Variants in KCNIP4 observed in about 807,000 individuals in gnomAD.
KCNIP4 encodes the protein potassium voltage-gated channel interacting protein 4, also known as Kv channel-interacting protein 4.
In KCNIP4, 12 loss-of-function variants were observed where a neutral mutation model predicts 34.0. The observed-to-expected ratio is 0.35, with a 90% CI of 0.23 to 0.57. KCNIP4 has a LOEUF of 0.57. KCNIP4 is among the 20% of genes least tolerant of loss of function. The pLI, the probability that KCNIP4 is intolerant of heterozygous loss-of-function variation, is 0.83. For missense variants in KCNIP4, 238 were observed against 311.7 expected, an observed-to-expected ratio of 0.76 and a Z score of 1.78; for synonymous variants, 124 against 102.2, an observed-to-expected ratio of 1.21 and a Z score of -1.29.
At position 21,455,808 on chromosome 4, in the gene KCNIP4, C is replaced by CTTATATATAT. The variant is rs1491104155; in HGVS notation, c.61+492762_61+492763insATATATATAA. ...TTAATGTGATAGTCTTACAGATATT[C>CTTATATATAT]ATATATATATATATATATATATATA... On this transcript the variant is annotated intron_variant, in intron 1 of 8. Coordinates refer to ENST00000382152, the MANE Select transcript of KCNIP4 (RefSeq NM_025221.6). Among the ~76,000 whole-genome samples, 2 of 71,928 alleles carry CTTATATATAT rather than the reference C, an allele frequency of 2.8e-5. 1 individual carries two copies. The highest frequency in any genetic ancestry group is 4.8e-5 in the Non-Finnish European group (2 of 42,016). 47.2% of individuals were successfully genotyped at this position (71,928 alleles called of 152,430 possible).
intron 3 of KCNIP4, among the ~76,000 whole-genome samples, chr4:20,777,655 A>G (rs2149387457): frequency 6.6e-6 from 1 of 152,274 alleles, no homozygotes; most frequent in African/African-American, 2.4e-5. Flanking sequence ...GTTGTCTATA[A>G]GCCACCCAGT....
chr4:20,766,226 T>C (rs760113337), intron 3 of KCNIP4, among the ~76,000 whole-genome samples: 1 of 152,054 alleles, frequency 6.6e-6, no homozygotes, highest in Non-Finnish European at 1.5e-5. Context: ...AATTAGAAAA[T>C]AGCAGATCTA....
chr4:21,738,112 TAA>T (rs1716126038), intron 1 of KCNIP4, among the ~76,000 whole-genome samples: 2 of 136,336 alleles, frequency 1.5e-5, no homozygotes, highest in Non-Finnish European at 3.1e-5. Flanking sequence ...AATAAATAAA[TAA>T]ATAAATAAAT....
chr4:21,423,451 T>C (rs1000080698), intron 1 of KCNIP4, among the ~76,000 whole-genome samples: 1 of 152,244 alleles, frequency 6.6e-6, no homozygotes, highest in Non-Finnish European at 1.5e-5. Context: ...CTCATTTTTT[T>C]CCATATGTAA....
At chr4:21,946,200 C>T in intron 1 of KCNIP4, among the ~76,000 whole-genome samples, 1 of 151,800 alleles carries the variant, frequency 6.6e-6, no homozygotes, top group Non-Finnish European at 1.5e-5. Flanking sequence ...ATCTCTAAGT[C>T]AGGTCATAAA....
chr4:21,450,670 C>T (rs975400527), intron 1 of KCNIP4, among the ~76,000 whole-genome samples: 16 of 151,988 alleles, frequency 1.1e-4, no homozygotes, highest in Admixed American at 3.3e-4. Flanking sequence ...TCGGTTAGCA[C>T]GCTAAATTGG....
intron 1 of KCNIP4, among the ~76,000 whole-genome samples, chr4:21,258,264 C>T (rs1480491314): frequency 6.6e-6 from 1 of 152,082 alleles, no homozygotes; most frequent in African/African-American, 2.4e-5. Context: ...AAACATTGAC[C>T]TCAAGCTTTA....
At chr4:21,074,999 G>T (rs1254724265) in intron 1 of KCNIP4, among the ~76,000 whole-genome samples, 1 of 152,188 alleles carries the variant, frequency 6.6e-6, no homozygotes, top group Non-Finnish European at 1.5e-5. Flanking sequence ...TGTGGTCTTA[G>T]AGACAGTTTG....
chr4:21,799,972 A>G (rs1364643210), intron 1 of KCNIP4, among the ~76,000 whole-genome samples: 3 of 152,158 alleles, frequency 2.0e-5, no homozygotes, highest in African/African-American at 7.2e-5. Context: ...TAAAATTTCT[A>G]CCATGGAGCC....
At position 20,729,158 on chromosome 4, in the gene KCNIP4, G is replaced by A. The variant is rs535462444; in HGVS notation, c.*924C>T. On this transcript the variant is annotated 3_prime_UTR_variant, in exon 9 of 9. Coordinates refer to ENST00000382152, the MANE Select transcript of KCNIP4 (RefSeq NM_025221.6). ...TGTAATATAAATAAACATGCTGTAA[G>A]GAAGTCAGGGGAAAGAGGACAGATT... The A allele has an allele frequency of 1.3e-5, 2 of 152,596 alleles. No individual in the cohort carries two copies. Among genetic ancestry groups the A allele is most frequent in the South Asian group, 4.1e-4 (2 of 4,822 alleles). 9.5% of individuals were successfully genotyped at this position (152,596 alleles called of 1,614,324 possible).
intron 1 of KCNIP4, among the ~76,000 whole-genome samples, chr4:20,883,644 A>T (rs1211455811): frequency 6.6e-6 from 1 of 152,104 alleles, no homozygotes; most frequent in African/African-American, 2.4e-5. Context: ...ATTTAAATCG[A>T]GGTTCTACCA....
chr4:21,208,358 C>T (rs988794781), intron 1 of KCNIP4, among the ~76,000 whole-genome samples: 2 of 152,164 alleles, frequency 1.3e-5, no homozygotes, highest in Admixed American at 1.3e-4. Flanking sequence ...TTCTAAGATA[C>T]ATCAAGTGGG....
chr4:21,067,794 G>A (rs1186693791), intron 1 of KCNIP4, among the ~76,000 whole-genome samples: 1 of 152,108 alleles, frequency 6.6e-6, no homozygotes, highest in Non-Finnish European at 1.5e-5. Context: ...TGGAGGGAAT[G>A]TGGTTCTGAA....
chr4:20,729,649 A>AATTAATTTAATTTCTGG lies in KCNIP4; in HGVS notation c.*416_*432dup, dbSNP rs1276294838. On this transcript the variant is annotated 3_prime_UTR_variant, in exon 9 of 9. Transcript: ENST00000382152. ...TGGAATTACAGCATTCAAACATGAAAATTAATTTAATTTCTGGAAATTAAA... is the reference window on the plus strand; with the variant it reads ...TGGAATTACAGCATTCAAACATGAAAATTAATTTAATTTCTGGATTAATTTAATTTCTGGAAATTAAA... 1 of 152,518 alleles carries AATTAATTTAATTTCTGG rather than the reference A, an allele frequency of 6.6e-6. No homozygotes were observed. The highest frequency in any genetic ancestry group is 1.5e-5 in the Non-Finnish European group (1 of 68,694). 9.4% of individuals were successfully genotyped at this position (152,518 alleles called of 1,614,324 possible).
At chr4:20,967,757 T>C (rs1311109188) in intron 1 of KCNIP4, among the ~76,000 whole-genome samples, 1 of 152,154 alleles carries the variant, frequency 6.6e-6, no homozygotes, top group Non-Finnish European at 1.5e-5. Context: ...ATCCCTTCCT[T>C]ACACCTTATA....
intron 5 of KCNIP4, among the ~76,000 whole-genome samples, chr4:20,742,743 G>A (rs982455960): frequency 6.6e-6 from 1 of 152,054 alleles, no homozygotes; most frequent in Admixed American, 6.6e-5. Flanking sequence ...GGAAATAAAG[G>A]GTATTCAATT....
At chr4:20,998,663 T>A (rs1425487309) in intron 1 of KCNIP4, among the ~76,000 whole-genome samples, 4 of 152,228 alleles carry the variant, frequency 2.6e-5, no homozygotes, top group Non-Finnish European at 2.9e-5. Context: ...TTCCTTTTAA[T>A]AGTCTGGCTT....
intron 1 of KCNIP4, among the ~76,000 whole-genome samples, chr4:21,056,200 C>G (rs1375677436): frequency 6.6e-6 from 1 of 152,162 alleles, no homozygotes; most frequent in Admixed American, 6.6e-5. Flanking sequence ...ATACTTTCAT[C>G]TATAGCTTAA....
At chr4:20,923,760 A>G (rs968051157) in intron 1 of KCNIP4, among the ~76,000 whole-genome samples, 2 of 152,104 alleles carry the variant, frequency 1.3e-5, no homozygotes, top group African/African-American at 4.8e-5. Context: ...ACTGTGACTT[A>G]TTTTCTCATG....
Sources: gnomAD v4.1 joint callset for allele counts (sites outside exome capture counted in the v4.1 genomes callset) on GRCh38, gnomAD v4.1.1 for gene constraint, MANE v1.5 for transcripts, NCBI Gene and HGNC (gene_info 2026-07-23, HGNC 2026-07-21) for gene names.